Variants in SDHC observed in about 807,000 individuals in gnomAD.
SDHC encodes the protein succinate dehydrogenase complex subunit C.
A neutral mutation model predicts 22.6 loss-of-function variants in SDHC; 11 were observed. That is an observed-to-expected ratio of 0.49 (90% confidence interval 0.31 to 0.81). The LOEUF (loss-of-function observed/expected upper bound fraction) is 0.81. SDHC is among the 30% of genes least tolerant of loss of function. The pLI is 0.05. For missense variants in SDHC, 160 were observed against 212.0 expected (o/e 0.75, Z 1.52); for synonymous variants, 80 against 77.8 (o/e 1.03, Z -0.15).
At chr1:161,324,803 TATAAAC>T (rs1456231474) in intron 2 of SDHC, among the ~76,000 whole-genome samples, 2 of 152,224 alleles carry the variant, frequency 1.3e-5, no homozygotes, top group African/African-American at 4.8e-5. Flanking sequence ...AGTATAATTA[TATAAAC>T]ATAATTATCA....
rs371946748 is a variant in SDHC at position 161,338,079 on chromosome 1, T to C, written c.180-2515T>C. On this transcript the variant is annotated intron_variant, in intron 3 of 5. Coordinates refer to ENST00000367975, the MANE Select transcript of SDHC (RefSeq NM_003001.5). ...AATTGTTGCAAGCCTCAGCTCCTTC[T>C]GGGTTTCGGTCTCCTGATTCTTCTT... is the stretch of plus-strand genomic sequence containing the variant. Among the ~76,000 whole-genome samples, 93 of 152,348 alleles carry C rather than the reference T, an allele frequency of 6.1e-4. 1 individual carries two copies. The East Asian group carries it at 0.014, about 24-fold the overall frequency.
chr1:161,328,358 A>C, intron 2 of SDHC, 38 bp from the exon 3 acceptor site: 2 of 1,461,528 alleles, frequency 1.4e-6, no homozygotes, highest in Non-Finnish European at 1.9e-6. Context: ...AACCAAGTTT[A>C]CTTTTAGTTA....
chr1:161,349,375 G>A (rs1345156031), intron 4 of SDHC, among the ~76,000 whole-genome samples: 1 of 152,144 alleles, frequency 6.6e-6, no homozygotes, highest in Non-Finnish European at 1.5e-5. Flanking sequence ...TGAAGCACGA[G>A]AATCGCTTGA....
intron 3 of SDHC, among the ~76,000 whole-genome samples, chr1:161,330,666 G>C (rs1202461434): frequency 6.6e-6 from 1 of 152,090 alleles, no homozygotes; most frequent in East Asian, 1.9e-4. Context: ...GTCACTTTTA[G>C]TCTATGCTGG....
At chr1:161,359,272 A>C (rs1265609473) in intron 5 of SDHC, among the ~76,000 whole-genome samples, 1 of 152,198 alleles carries the variant, frequency 6.6e-6, no homozygotes, top group East Asian at 1.9e-4. Context: ...ATAGCCTTAG[A>C]GACAAGCACT....
At chr1:161,340,745 C>G in intron 4 of SDHC, 90 bp downstream of exon 4, 1 of 945,988 alleles carries the variant, frequency 1.1e-6, no homozygotes, top group Admixed American at 1.7e-5. Flanking sequence ...CTTTGAAACT[C>G]AGCACTTGAT....
chr1:161,323,942 C>T (rs1372618267), intron 2 of SDHC, among the ~76,000 whole-genome samples: 3 of 152,074 alleles, frequency 2.0e-5, no homozygotes, highest in East Asian at 1.9e-4. Flanking sequence ...GTGATCCGCC[C>T]GCCTCGGCCT....
At chr1:161,350,059 C>T (rs1487322099) in intron 4 of SDHC, among the ~76,000 whole-genome samples, 9 of 152,064 alleles carry the variant, frequency 5.9e-5, no homozygotes, top group Admixed American at 2.6e-4. Context: ...TACAGGCACG[C>T]GTCACCATGC....
chr1:161,331,081 T>C (rs1411188549), intron 3 of SDHC, among the ~76,000 whole-genome samples: 1 of 151,676 alleles, frequency 6.6e-6, no homozygotes, highest in Non-Finnish European at 1.5e-5. Flanking sequence ...CGTTCCCTTA[T>C]AGAATTTTCC....
chr1:161,355,217 T>G (rs978987140), intron 4 of SDHC, among the ~76,000 whole-genome samples: 1 of 152,234 alleles, frequency 6.6e-6, no homozygotes, highest in Non-Finnish European at 1.5e-5. Context: ...GATTTGCATT[T>G]GTCTAATGGC....
chr1:161,362,366 T>G lies in SDHC; in HGVS notation c.443T>G (p.Leu148Arg), dbSNP rs1672550735. 1 of 1,613,474 alleles carries G rather than the reference T, an allele frequency of 6.2e-7. No homozygotes were observed. Among genetic ancestry groups the G allele is most frequent in the Non-Finnish European group, 8.5e-7 (1 of 1,179,796 alleles). ...GGAAAAGGCCTGAAGATTCCCCAGC[T>G]ATACCAGTCTGGAGTGGTTGTCCTG... The part of the protein sequence containing the change: ...DLGKGLKIPQ[L>R]YQSGVVVLVL... The change falls in exon 6 of 6, where the codon CTA becomes CGA. Residue 148 changes from leucine to arginine, a missense_variant. Leu to Arg is a moderately radical substitution (Grantham distance 102). Coordinates refer to ENST00000367975, the MANE Select transcript of SDHC (RefSeq NM_003001.5).
At chr1:161,344,862 TA>T (rs901358432) in intron 4 of SDHC, among the ~76,000 whole-genome samples, 2 of 152,234 alleles carry the variant, frequency 1.3e-5, no homozygotes, top group Non-Finnish European at 2.9e-5. Flanking sequence ...TCTTAGAAGA[TA>T]ATGTGCCCTG....
chr1:161,319,222 A>AAATAAAT (rs1558162031), intron 1 of SDHC, among the ~76,000 whole-genome samples: 8 of 150,762 alleles, frequency 5.3e-5, no homozygotes, highest in African/African-American at 1.9e-4. Context: ...ACTCTGTCTT[A>AAATAAAT]AAATAAATAA....
chr1:161,317,555 T>TG (rs1670667850), intron 1 of SDHC, among the ~76,000 whole-genome samples: 1 of 97,536 alleles, frequency 1.0e-5, no homozygotes, highest in Non-Finnish European at 2.0e-5. Context: ...GTGTGGTTTT[T>TG]TTTTTTTTTT....
intron 4 of SDHC, among the ~76,000 whole-genome samples, chr1:161,345,300 C>T (rs1322681378): frequency 1.3e-5 from 2 of 152,176 alleles, no homozygotes; most frequent in East Asian, 1.9e-4. Context: ...TTATCCTTTA[C>T]ATCTTAGCAA....
intron 3 of SDHC, among the ~76,000 whole-genome samples, chr1:161,337,061 G>GT (rs1255364549): frequency 0.2 from 27,024 of 133,784 alleles, 3,038 homozygotes; most frequent in Middle Eastern, 0.26. Context: ...GTAGAAATGG[G>GT]TTTTTTTTTT....
intron 3 of SDHC, among the ~76,000 whole-genome samples, chr1:161,340,213 C>T (rs540432208): frequency 1.3e-5 from 2 of 151,820 alleles, no homozygotes; most frequent in Admixed American, 6.6e-5. Flanking sequence ...CTCATGAACC[C>T]GGGAGGCAGA....
At chr1:161,320,034 A>G (rs765334731) in intron 1 of SDHC, among the ~76,000 whole-genome samples, 1 of 152,118 alleles carries the variant, frequency 6.6e-6, no homozygotes. Context: ...AAACCATGTT[A>G]TTTTATTTAT....
At position 161,319,451 on chromosome 1, in the gene SDHC, T is replaced by C. The variant is rs543648571; in HGVS notation, c.21-4163T>C. ...ATTGGTTGTTTTTTTTTTTTTGGTT[T>C]TGGTTTTTTTTTTGAGACTGAGTCT... On this transcript the variant is annotated intron_variant, in intron 1 of 5. Transcript: ENST00000367975. Among the ~76,000 whole-genome samples the C allele has an allele frequency of 5.9e-3, 901 of 151,960 alleles. 14 individuals are homozygous for C. The highest frequency in any genetic ancestry group is 0.02 in the African/African-American group (848 of 41,456).
Sources: gnomAD v4.1 joint callset for allele counts (sites outside exome capture counted in the v4.1 genomes callset) on GRCh38, gnomAD v4.1.1 for gene constraint, MANE v1.5 for transcripts, NCBI Gene and HGNC (gene_info 2026-07-23, HGNC 2026-07-21) for gene names.